BAIAP3: variants seen among roughly 807,000 people sequenced by gnomAD.
BAIAP3 encodes BAI1 associated protein 3.
A neutral mutation model predicts 149.7 loss-of-function variants in BAIAP3; 180 were observed. The ratio of observed to expected loss-of-function variants is 1.20; its 90% confidence interval spans 1.07 to 1.36. The LOEUF is 1.36. BAIAP3 is among the 40% of genes most tolerant of loss of function. The pLI is 0.00. For synonymous variants in BAIAP3, 845 were observed against 670.7 expected (o/e 1.26, Z -4.02); for missense variants, 1,767 against 1,563.4 (o/e 1.13, Z -2.20).
rs751382599 is a variant in BAIAP3 at position 1,349,354 on chromosome 16, C to T, written c.*872C>T. ...AGTCCTGCCAGCAGCCGCAAAGAGC[C>T]GAGGCTGCCAGGCCCATTTATGTCC... On this transcript the variant is annotated 3_prime_UTR_variant, in exon 34 of 34. Coordinates refer to ENST00000426824, the MANE Select transcript of BAIAP3 (RefSeq NM_001199097.2). The T allele has an allele frequency of 2.6e-6, 4 of 1,510,584 alleles. No individual in the cohort carries two copies. Among genetic ancestry groups the T allele is most frequent in the East Asian group, 2.3e-5 (1 of 44,390 alleles). 93.6% of individuals were successfully genotyped at this position (1,510,584 alleles called of 1,614,324 possible).
In BAIAP3 at chr16:1,347,279, CCTT is replaced by C. The variant is rs773052378; in HGVS notation, c.2752-15_2752-13del. The C allele has an allele frequency of 4.3e-6, 7 of 1,611,516 alleles. No individual in the cohort carries two copies. The highest frequency in any genetic ancestry group is 3.6e-4 in the Middle Eastern group (2 of 5,560). ...CAAGCCAGGCTCCCTGACACCTCTG[CCTT>C]CTTTCCCTGCCCCAGGCCCTGGTCA... On this transcript the variant is annotated splice_polypyrimidine_tract_variant and intron_variant, in intron 28 of 33. Transcript: ENST00000426824.
At chr16:1,334,250 G>C (rs2033312615) in intron 1 of BAIAP3, among the ~76,000 whole-genome samples, 1 of 152,002 alleles carries the variant, frequency 6.6e-6, no homozygotes. Flanking sequence ...AGTGCAAAGC[G>C]GCCCCTCCTT....
At chr16:1,336,630 G>C (rs2033473457) in intron 1 of BAIAP3, among the ~76,000 whole-genome samples, 1 of 152,160 alleles carries the variant, frequency 6.6e-6, no homozygotes. Context: ...CCGGGAGCTG[G>C]CTCGACAAAG....
At chr16:1,342,158 T>G in intron 10 of BAIAP3, 23 bp from the exon 11 acceptor site, 1 of 1,584,626 alleles carries the variant, frequency 6.3e-7, no homozygotes, top group Non-Finnish European at 8.6e-7. Flanking sequence ...ATCAGCGTGA[T>G]GCTCACCACC....
Position 1,348,371 on chromosome 16 carries a change from G to A in BAIAP3, c.3356-8G>A. The A allele has an allele frequency of 6.2e-7, 1 of 1,611,890 alleles. No homozygotes were observed. The highest frequency in any genetic ancestry group is 8.5e-7 in the Non-Finnish European group (1 of 1,179,514). ...CGGCCCCCACACACCTGCCCGCGCT[G>A]CTTGCAGTGAGATCTGCGCTGAGGA... On this transcript the variant is annotated splice_polypyrimidine_tract_variant and splice_region_variant and intron_variant, in intron 33 of 33. Coordinates refer to ENST00000426824, the MANE Select transcript of BAIAP3 (RefSeq NM_001199097.2).
chr16:1,347,168 T>G, intron 28 of BAIAP3, 130 bp from the exon 29 acceptor site: 1 of 1,017,430 alleles, frequency 9.8e-7, no homozygotes, highest in African/African-American at 1.6e-5. Flanking sequence ...CCCGCCAGGG[T>G]GTGAGAAAGG....
Position 1,338,614 on chromosome 16 carries a change from G to A in BAIAP3, c.65G>A (p.Arg22His), listed in dbSNP as rs371011887. The change falls in exon 2 of 34, where the codon CGC becomes CAC. Residue 22 changes from arginine to histidine, a missense_variant. Coordinates refer to ENST00000426824, the MANE Select transcript of BAIAP3 (RefSeq NM_001199097.2). ...CAGGTGCAGGTGTGCCCGTCCTTCC[G>A]CCGCAGGACTGAGCAGGACCCAGGG... is the stretch of plus-strand genomic sequence containing the variant. Reference protein sequence around the residue: ...LRQVQVCPSFRRRTEQDPGSA... With the variant: ...LRQVQVCPSFHRRTEQDPGSA... The A allele has an allele frequency of 3.9e-5, 63 of 1,605,118 alleles. No individual in the cohort carries two copies. Among genetic ancestry groups the A allele is most frequent in the East Asian group, 6.7e-5 (3 of 44,554 alleles).
chr16:1,345,034 G>A lies in BAIAP3; in HGVS notation c.1875G>A (p.Ser625=), dbSNP rs140309671. The A allele has an allele frequency of 8.9e-5, 144 of 1,612,316 alleles. No homozygotes were observed. The highest frequency in any genetic ancestry group is 1.1e-4 in the Non-Finnish European group (134 of 1,180,022). The change falls in exon 21 of 34, where the codon TCG becomes TCA. Residue 625 remains serine (S), a synonymous_variant. Transcript: ENST00000426824. The part of the protein sequence containing the change: ...LSPKMTLEVA[S]GLFELYLTLA... ...CCAAGATGACCCTGGAGGTGGCCTC[G>A]GGGCTCTTTGAGCTCTACCTGACCC... is the stretch of plus-strand genomic sequence containing the variant.
At chr16:1,345,592 CGCAACCCCA>C in intron 22 of BAIAP3, 146 bp from the exon 23 acceptor site, 1 of 216,622 alleles carries the variant, frequency 4.6e-6, no homozygotes, top group Non-Finnish European at 7.4e-6. Context: ...CAGCCTCCCC[CGCAACCCCA>C]GCCTCCTCAG....
intron 28 of BAIAP3, 41 bp from the exon 29 acceptor site, chr16:1,347,250 AGCACAAG>A (rs2034439473): frequency 1.9e-6 from 3 of 1,588,150 alleles, no homozygotes; most frequent in Non-Finnish European, 2.6e-6. Context: ...ACCTGTCCCC[AGCACAAG>A]CCAGGCTCCC....
chr16:1,340,356 A>G (rs1259327714), intron 5 of BAIAP3, among the ~76,000 whole-genome samples: 1 of 141,882 alleles, frequency 7.0e-6, no homozygotes, highest in Non-Finnish European at 1.5e-5. Flanking sequence ...ACACGCACAC[A>G]GGCTGCAGGT....
At position 1,341,721 on chromosome 16, in the gene BAIAP3, G is replaced by A. The variant is rs559365121; in HGVS notation, c.732-101G>A. The A allele has an allele frequency of 2.0e-5, 27 of 1,318,580 alleles. No homozygotes were observed. The East Asian group carries it at 4.6e-4, about 23-fold the overall frequency. The allele number at this position is 1,318,580 out of a possible 1,614,324, so 81.7% of individuals were successfully genotyped here. Reference sequence around the variant, plus strand: ...GACCTGAACAGCCTGTCTGGAGAGCGGGTGCTTGTGGCCTGGTCCCTGCTG... The same window carrying A: ...GACCTGAACAGCCTGTCTGGAGAGCAGGTGCTTGTGGCCTGGTCCCTGCTG... On this transcript the variant is annotated intron_variant, in intron 8 of 33. Transcript: ENST00000426824.
chr16:1,340,195 GCACACAGGCTGCAGGTGCACACAGACACA>G (rs1567161187), intron 5 of BAIAP3, among the ~76,000 whole-genome samples: 689 of 63,370 alleles, frequency 0.011, 4 homozygotes, highest in Middle Eastern at 0.032. Flanking sequence ...ACAGACACAC[GCACACAGGCTGCAGGTGCACACAGACACA>G]CACACAGGTT....
chr16:1,346,472 C>A lies in BAIAP3; in HGVS notation c.2524C>A (p.His842Asn), dbSNP rs1385174572. Residue 842 changes from histidine to asparagine, a missense_variant, in exon 26 of 34, where the codon CAC (histidine) becomes AAC (asparagine). Transcript: ENST00000426824. ...MVGDIRKYVQ[H>N]ISLSPDSIQN... ...GGGCGACATCCGCAAGTATGTACAG[C>A]ACATCAGTCTCTCGCCTGACTCCAT... The A allele has an allele frequency of 1.9e-6, 3 of 1,612,304 alleles. No homozygotes were observed. Among genetic ancestry groups the A allele is most frequent in the Non-Finnish European group, 2.5e-6 (3 of 1,179,706 alleles).
At chr16:1,334,697 G>A (rs1400291422) in intron 1 of BAIAP3, 1 of 1,555,498 alleles carries the variant, frequency 6.4e-7, no homozygotes, top group Non-Finnish European at 8.7e-7. Flanking sequence ...CAGCGGGCCC[G>A]CCAGGTGACC....
chr16:1,347,337 C>T lies in BAIAP3; in HGVS notation c.2791C>T (p.Pro931Ser), dbSNP rs750357356. The change falls in exon 29 of 34, where the codon CCC becomes TCC. Residue 931 changes from proline (P) to serine (S), a missense_variant. Coordinates refer to ENST00000426824, the MANE Select transcript of BAIAP3 (RefSeq NM_001199097.2). ...SFFHAEGQGLPLESLRDGSYK... is the reference protein window; with the variant it reads ...SFFHAEGQGLSLESLRDGSYK... ...TTTCCACGCAGAGGGTCAGGGTTTG[C>T]CCCTGGAGAGCCTGAGGGATGGAAG... 2.5e-6 allele frequency: 4 copies of T among 1,613,366 alleles called. No homozygotes were observed. The highest frequency in any genetic ancestry group is 2.2e-5 in the East Asian group (1 of 44,884).
chr16:1,344,939 C>T (rs371871621), intron 20 of BAIAP3, 30 bp from the exon 21 acceptor site: 1 of 1,613,300 alleles, frequency 6.2e-7, no homozygotes, highest in African/African-American at 1.3e-5. Flanking sequence ...TTCCTTGCTG[C>T]TGGAGGCCTG....
Position 1,342,503 on chromosome 16 carries a change from G to C in BAIAP3, c.958-24G>C, listed in dbSNP as rs376862971. On this transcript the variant is annotated intron_variant, in intron 11 of 33. Coordinates refer to ENST00000426824, the MANE Select transcript of BAIAP3 (RefSeq NM_001199097.2). ...AAGGGGAGGGGGAGGAGTCTGGTGGGCCTGACCCCCATGCTACCCCCAGGA... is the reference window on the plus strand; with the variant it reads ...AAGGGGAGGGGGAGGAGTCTGGTGGCCCTGACCCCCATGCTACCCCCAGGA... 9.6e-5 allele frequency: 149 copies of C among 1,544,128 alleles called. No homozygotes were observed. In the African/African-American group the frequency reaches 1.8e-3, roughly 19 times the overall value.
intron 1 of BAIAP3, among the ~76,000 whole-genome samples, chr16:1,335,846 G>T (rs752819465): frequency 1.2e-4 from 18 of 152,126 alleles, no homozygotes; most frequent in Non-Finnish European, 2.2e-4. Context: ...ACACCAAAGA[G>T]ACCTTGACTG....
Sources: gnomAD v4.1 joint callset for allele counts (sites outside exome capture counted in the v4.1 genomes callset) on GRCh38, gnomAD v4.1.1 for gene constraint, MANE v1.5 for transcripts, NCBI Gene and HGNC (gene_info 2026-07-23, HGNC 2026-07-21) for gene names.